Variants in TRMT44 observed in about 807,000 individuals in gnomAD.
The protein encoded by TRMT44 is probable tRNA (uracil-O(2)-)-methyltransferase.
TRMT44 carries 78 observed loss-of-function variants against 77.3 expected under a neutral mutation model. That is an observed-to-expected ratio of 1.01 (90% CI 0.84 to 1.22). TRMT44 has a LOEUF of 1.22. TRMT44 is among the 50% of genes most tolerant of loss of function. The probability of loss-of-function intolerance (pLI) is 0.00; values close to 1 mark genes in which losing one functional copy is unlikely to be tolerated. For synonymous variants in TRMT44, 391 were observed against 383.3 expected (o/e 1.02, Z -0.23); for missense variants, 1,090 against 964.4 (o/e 1.13, Z -1.73).
rs1217667400 is a variant in TRMT44 at position 8,461,330 on chromosome 4, A to G, written c.1204-2655A>G. On this transcript the variant is annotated intron_variant, in intron 6 of 10. Coordinates refer to ENST00000389737, the MANE Select transcript of TRMT44 (RefSeq NM_152544.3). The surrounding 1 kb of genome is among the most constrained non-coding windows in gnomAD (Gnocchi z 4.6). ...ATATGTGTGTAGACTATAGACTCTCACACATGTCCCAGAATCGGGCTCTAA... is the reference window on the plus strand; with the variant it reads ...ATATGTGTGTAGACTATAGACTCTCGCACATGTCCCAGAATCGGGCTCTAA... 2.0e-5 allele frequency among the ~76,000 whole-genome samples: 3 copies of G among 152,206 alleles called. No homozygotes were observed. Among genetic ancestry groups the G allele is most frequent in the Non-Finnish European group, 4.4e-5 (3 of 68,032 alleles).
At chr4:8,475,069 T>C (rs1328459503) in intron 10 of TRMT44, among the ~76,000 whole-genome samples, 1 of 152,170 alleles carries the variant, frequency 6.6e-6, no homozygotes, top group African/African-American at 2.4e-5. Context: ...CTCATTGGCC[T>C]CTGTTACTCC....
At chr4:8,465,903 A>C (rs557208125) in intron 8 of TRMT44, among the ~76,000 whole-genome samples, 4 of 152,326 alleles carry the variant, frequency 2.6e-5, no homozygotes, top group African/African-American at 9.6e-5. Context: ...CTGCTCCTTC[A>C]AGTCGCAGAT....
chr4:8,452,013 C>T lies in TRMT44; in HGVS notation c.1008C>T (p.Ile336=), dbSNP rs1280042010. ...PEKFVYEDVA[I]AAYLLILWEE... ...AGTTCGTGTATGAAGATGTGGCTAT[C>T]GCAGCATACCTGCTGGTAAGGGTGT... Residue 336 remains isoleucine (I), a synonymous_variant, in exon 4 of 11, where the codon ATC becomes ATT. Transcript: ENST00000389737. The surrounding 1 kb of genome is among the most constrained non-coding windows in gnomAD (Gnocchi z 5.7). The T allele has an allele frequency of 2.5e-5, 39 of 1,536,488 alleles. 1 individual carries two copies. The highest frequency in any genetic ancestry group is 3.0e-5 in the Non-Finnish European group (34 of 1,146,974).
chr4:8,465,703 A>T (rs1269172601), intron 8 of TRMT44, 142 bp downstream of exon 8: 9 of 746,996 alleles, frequency 1.2e-5, no homozygotes, highest in Admixed American at 3.1e-5. Context: ...TGCCTCTGTC[A>T]CTGATGAGGC....
chr4:8,468,372 G>A (rs753877515), intron 9 of TRMT44, 26 bp downstream of exon 9: 3 of 1,605,350 alleles, frequency 1.9e-6, no homozygotes, highest in African/African-American at 2.7e-5. Context: ...TCTTAGGGAG[G>A]GGCTAGCACG....
At chr4:8,443,972 A>AT (rs1553854008) in intron 1 of TRMT44, among the ~76,000 whole-genome samples, 1 of 151,692 alleles carries the variant, frequency 6.6e-6, no homozygotes, top group Non-Finnish European at 1.5e-5. Flanking sequence ...AAAAAAAAAA[A>AT]GGAATGTGAC....
intron 10 of TRMT44, among the ~76,000 whole-genome samples, chr4:8,475,327 C>T (rs1468948863): frequency 5.9e-5 from 9 of 152,222 alleles, no homozygotes; most frequent in Non-Finnish European, 7.3e-5. Context: ...AGTGATCCTT[C>T]TAAAATGGTG....
At chr4:8,489,478 T>A (rs1373975167) in intron 2 of TRMT44, among the ~76,000 whole-genome samples, 1 of 151,868 alleles carries the variant, frequency 6.6e-6, no homozygotes, top group Non-Finnish European at 1.5e-5. Flanking sequence ...TTTGTTTTGT[T>A]TTGTTTTGTT....
chr4:8,481,462 A>G (rs1026766699), downstream of TRMT44, among the ~76,000 whole-genome samples: 3 of 152,184 alleles, frequency 2.0e-5, no homozygotes, highest in Non-Finnish European at 2.9e-5. Context: ...TTTACAGAAA[A>G]CAAATACTTT....
At chr4:8,496,972 G>A (rs180710472), downstream of TRMT44, among the ~76,000 whole-genome samples, 141 of 152,146 alleles carry the variant, frequency 9.3e-4, 1 homozygote, top group African/African-American at 3.2e-3. Context: ...TAAATACTGC[G>A]TTTCTTCACT....
chr4:8,452,092 C>A lies in TRMT44; in HGVS notation c.1023+64C>A, dbSNP rs1369919157. The stretch of plus-strand genomic sequence containing the variant: ...GGAGTTTGCTACAGGCAGATGTTCC[C>A]TGTAGTGAAGGACATTTTCCAAATC... On this transcript the variant is annotated intron_variant, in intron 4 of 10. Coordinates refer to ENST00000389737, the MANE Select transcript of TRMT44 (RefSeq NM_152544.3). This position sits in a 1 kb window ranked among gnomAD's most constrained non-coding sequence, Gnocchi z 5.7. 3.6e-6 allele frequency: 5 copies of A among 1,401,570 alleles called. No individual in the cohort carries two copies. The highest frequency in any genetic ancestry group is 2.0e-5 in the Admixed American group (1 of 50,562). 86.8% of individuals were successfully genotyped at this position (1,401,570 alleles called of 1,614,324 possible).
chr4:8,496,249 A>G (rs530694002), downstream of TRMT44, among the ~76,000 whole-genome samples: 4 of 152,360 alleles, frequency 2.6e-5, no homozygotes, highest in South Asian at 6.2e-4. Flanking sequence ...ACTTTTGTTT[A>G]AAATAAATCT....
the TRMT44 span, among the ~76,000 whole-genome samples, chr4:8,514,173 G>A: frequency 1.3e-5 from 2 of 151,800 alleles, no homozygotes; most frequent in African/African-American, 4.8e-5. Context: ...AGCCAGCTCT[G>A]CACAGGGCAC....
intron 6 of TRMT44, among the ~76,000 whole-genome samples, chr4:8,459,995 G>A (rs1000294974): frequency 6.6e-6 from 1 of 152,160 alleles, no homozygotes; most frequent in Non-Finnish European, 1.5e-5. Flanking sequence ...GGGGGTCTGG[G>A]CCTGACAGCA....
chr4:8,486,975 T>G (rs541170203), intron 2 of TRMT44, among the ~76,000 whole-genome samples: 20 of 151,926 alleles, frequency 1.3e-4, no homozygotes, highest in Admixed American at 9.2e-4. Context: ...ACGCTTGGGG[T>G]TGGGACTGAG....
intron 7 of TRMT44, among the ~76,000 whole-genome samples, chr4:8,464,735 C>T (rs1377759752): frequency 6.6e-6 from 1 of 152,114 alleles, no homozygotes; most frequent in Non-Finnish European, 1.5e-5. Context: ...TTTCAGATGA[C>T]CCTTGATAAC....
intron 2 of TRMT44, among the ~76,000 whole-genome samples, chr4:8,488,749 G>A (rs990489641): frequency 4.6e-5 from 7 of 152,234 alleles, no homozygotes; most frequent in Admixed American, 4.6e-4. Flanking sequence ...AGCCCTAGAT[G>A]CCATCCTTCC....
At chr4:8,462,871 C>T (rs1726259960) in intron 6 of TRMT44, among the ~76,000 whole-genome samples, 1 of 152,136 alleles carries the variant, frequency 6.6e-6, no homozygotes, top group Non-Finnish European at 1.5e-5. Context: ...GATGGGCAAA[C>T]TTAAATCTAG....
chr4:8,493,463 C>CT (rs1728068053), exon 3 of TRMT44: 1 of 152,188 alleles, frequency 6.6e-6, no homozygotes, highest in Non-Finnish European at 1.5e-5. Flanking sequence ...ACCTCAATCC[C>CT]TGAGTTTTCA....
Sources: gnomAD v4.1 joint callset for allele counts (sites outside exome capture counted in the v4.1 genomes callset) on GRCh38, gnomAD v4.1.1 for gene constraint, Gnocchi (gnomAD v3.1) non-coding constraint, MANE v1.5 for transcripts, NCBI Gene and HGNC (gene_info 2026-07-23, HGNC 2026-07-21) for gene names.